Variants in RABEPK observed in about 807,000 individuals in gnomAD.
RABEPK encodes the protein Rab9 effector protein with kelch motifs.
Under a neutral mutation model 34.1 loss-of-function variants are expected in RABEPK, and 27 were observed. The observed-to-expected ratio is 0.79, with a 90% confidence interval of 0.58 to 1.09. RABEPK has a LOEUF of 1.09. RABEPK is among the 50% of genes least tolerant of loss of function. The probability of loss-of-function intolerance (pLI) is 0.00; values close to 1 mark genes in which losing one functional copy is unlikely to be tolerated. For synonymous variants in RABEPK, 172 were observed against 169.2 expected (o/e 1.02, Z -0.13); for missense variants, 449 against 462.6 (o/e 0.97, Z 0.27).
intron 7 of RABEPK, among the ~76,000 whole-genome samples, chr9:125,233,127 T>A (rs893198993): frequency 6.6e-6 from 1 of 151,524 alleles, no homozygotes; most frequent in African/African-American, 2.4e-5. Context: ...TGCTTCCAAT[T>A]TGGTTCCTCT....
chr9:125,232,518 G>A (rs1054738457), intron 6 of RABEPK, 78 bp from the exon 7 acceptor site: 158 of 1,444,194 alleles, frequency 1.1e-4, no homozygotes, highest in Non-Finnish European at 1.4e-4. Context: ...TGATTGGTGT[G>A]CAAACTACAG....
rs1832394682 is a variant in RABEPK at position 125,233,808 on chromosome 9, C to G, written c.947C>G (p.Ser316Cys). ...GCTTCTGAGAAAGAAGATTCCAACT[C>G]TCTCACTCTGAACCATGAAGCTGAG... ...TCASEKEDSN[S>C]LTLNHEAEKE... The change falls in exon 8 of 8, where the codon TCT becomes TGT. Residue 316 changes from serine to cysteine, a missense_variant. Coordinates refer to ENST00000373538, the MANE Select transcript of RABEPK (RefSeq NM_005833.4). 1 of 1,614,022 alleles carries G rather than the reference C, an allele frequency of 6.2e-7. No homozygotes were observed.
chr9:125,225,648 C>A (rs1410439316), intron 5 of RABEPK, among the ~76,000 whole-genome samples: 1 of 151,860 alleles, frequency 6.6e-6, no homozygotes, highest in East Asian at 1.9e-4. Context: ...CATGGTGAAA[C>A]CCCGTCTCTA....
In RABEPK at chr9:125,233,858, A is replaced by G; in HGVS notation, c.997A>G (p.Met333Val). ...GAAAGAGGATTCAGCTGACAAAGTA[A>G]TGAGCCACAGTGGTGACTCACATGA... ...AEKEDSADKV[M>V]SHSGDSHEES... is the part of the protein sequence containing the mutation. Residue 333 changes from methionine (M) to valine (V), a missense_variant, in exon 8 of 8, where the codon ATG becomes GTG. Coordinates refer to ENST00000373538, the MANE Select transcript of RABEPK (RefSeq NM_005833.4). 1 of 1,614,164 alleles carries G rather than the reference A, an allele frequency of 6.2e-7. No homozygotes were observed. Among genetic ancestry groups the G allele is most frequent in the Non-Finnish European group, 8.5e-7 (1 of 1,180,020 alleles).
At position 125,232,599 on chromosome 9, in the gene RABEPK, A is replaced by G. The variant is rs765233259; in HGVS notation, c.680A>G (p.Asp227Gly). ...AGCTCTTTCTTTCTCTTGGCAGGTG[A>G]CATGAAATGGCAGAAGCTAAATCCC... ...YDDLHCIDISDMKWQKLNPTG... is the reference protein window; with the variant it reads ...YDDLHCIDISGMKWQKLNPTG... The change falls in exon 7 of 8, where the codon GAC becomes GGC. Residue 227 changes from aspartate to glycine, a missense_variant. Asp to Gly is a moderately conservative substitution (Grantham distance 94). Transcript: ENST00000373538. The G allele has an allele frequency of 1.2e-6, 2 of 1,611,310 alleles. No individual in the cohort carries two copies. The highest frequency in any genetic ancestry group is 1.7e-6 in the Non-Finnish European group (2 of 1,178,720).
Position 125,219,610 on chromosome 9 carries a change from C to T in RABEPK, c.365-929C>T, listed in dbSNP as rs541070928. The stretch of plus-strand genomic sequence containing the variant: ...TAGAGATGGGATTTCACCATGTTGG[C>T]CAGGCTGGTCTAGAACTCCTACCCT... On this transcript the variant is annotated intron_variant, in intron 4 of 7. Transcript: ENST00000373538. 3.0e-4 allele frequency among the ~76,000 whole-genome samples: 45 copies of T among 151,980 alleles called. 1 individual carries two copies. In the South Asian group the frequency reaches 4.6e-3, roughly 15 times the overall value.
intron 2 of RABEPK, 130 bp downstream of exon 2, chr9:125,203,196 C>A: frequency 1.4e-6 from 1 of 693,732 alleles, no homozygotes; most frequent in South Asian, 1.6e-5. Context: ...GGTAATTAGA[C>A]TCAAACTGTC....
intron 2 of RABEPK, among the ~76,000 whole-genome samples, 162 bp downstream of exon 2, chr9:125,203,228 G>A (rs1210334570): frequency 6.6e-6 from 1 of 152,194 alleles, no homozygotes; most frequent in Admixed American, 6.6e-5. Flanking sequence ...TCAGAGGAAA[G>A]ATAGGGGGGC....
chr9:125,206,827 C>T (rs11794837), intron 2 of RABEPK, among the ~76,000 whole-genome samples: 15,345 of 152,176 alleles, frequency 0.1, 1,042 homozygotes, highest in Non-Finnish European at 0.14. Context: ...CGGTGGCTCA[C>T]GCCTGTAATC....
rs962975283 is a variant in RABEPK at position 125,218,721 on chromosome 9, CTCTCTCTCTCTT to C, written c.365-1802_365-1791del. 1.3e-3 allele frequency among the ~76,000 whole-genome samples: 199 copies of C among 152,154 alleles called. 1 individual carries two copies. Among genetic ancestry groups the C allele is most frequent in the African/African-American group, 4.6e-3 (191 of 41,542 alleles). The stretch of plus-strand genomic sequence containing the variant: ...TAGGCATGTCACTTTATCTGTCTCT[CTCTCTCTCTCTT>C]TCTCTCTCTCTTTCTTTGCCTTATT... On this transcript the variant is annotated intron_variant, in intron 4 of 7. Transcript: ENST00000373538.
chr9:125,203,806 G>A (rs1357427795), intron 2 of RABEPK, among the ~76,000 whole-genome samples: 1 of 151,964 alleles, frequency 6.6e-6, no homozygotes, highest in Non-Finnish European at 1.5e-5. Flanking sequence ...GCCAAGGCGG[G>A]TGGATCTCCT....
rs768520062 is a variant in RABEPK at position 125,233,737 on chromosome 9, A to G, written c.876A>G (p.Gly292=). The change falls in exon 8 of 8, where the codon GGA becomes GGG. Residue 292 remains glycine, a synonymous_variant. Transcript: ENST00000373538. ...AATTTGATACTCTTCTACCCCCTGGACGATTGGACCATTCCATGTGTATCA... is the reference window on the plus strand; with the variant it reads ...AATTTGATACTCTTCTACCCCCTGGGCGATTGGACCATTCCATGTGTATCA... ...LLKFDTLLPP[G]RLDHSMCIIP... The G allele has an allele frequency of 4.3e-6, 7 of 1,614,098 alleles. No homozygotes were observed. Among genetic ancestry groups the G allele is most frequent in the Non-Finnish European group, 4.2e-6 (5 of 1,179,980 alleles).
At chr9:125,220,152 C>G (rs1318026231) in intron 4 of RABEPK, among the ~76,000 whole-genome samples, 1 of 152,088 alleles carries the variant, frequency 6.6e-6, no homozygotes, top group Non-Finnish European at 1.5e-5. Context: ...GTCCCCACCA[C>G]CATACCCGGC....
At chr9:125,222,245 A>C (rs1360456194) in intron 5 of RABEPK, 1 of 152,006 alleles carries the variant, frequency 6.6e-6, no homozygotes, top group Admixed American at 6.6e-5. Context: ...CTTTTAAAGC[A>C]GTTTTAAAAG....
At chr9:125,216,696 C>T (rs566429148) in intron 4 of RABEPK, among the ~76,000 whole-genome samples, 124 of 152,222 alleles carry the variant, frequency 8.1e-4, no homozygotes, top group Non-Finnish European at 1.3e-3. Flanking sequence ...GGCATGGTGG[C>T]TCATGCCTAT....
chr9:125,219,830 C>T (rs1312060056), intron 4 of RABEPK, among the ~76,000 whole-genome samples: 2 of 152,044 alleles, frequency 1.3e-5, no homozygotes, highest in African/African-American at 2.4e-5. Context: ...CTGCACATGG[C>T]CTGCCTACTT....
At chr9:125,204,657 C>T (rs947657471) in intron 2 of RABEPK, among the ~76,000 whole-genome samples, 13 of 152,160 alleles carry the variant, frequency 8.5e-5, no homozygotes, top group African/African-American at 3.1e-4. Flanking sequence ...CCTGTATTTC[C>T]AACCTCAAAT....
chr9:125,220,650 A>C lies in RABEPK; in HGVS notation c.476A>C (p.Glu159Ala). 3.7e-6 allele frequency: 6 copies of C among 1,614,172 alleles called. No individual in the cohort carries two copies. The highest frequency in any genetic ancestry group is 5.1e-6 in the Non-Finnish European group (6 of 1,180,022). The change falls in exon 5 of 8, where the codon GAG becomes GCG. Residue 159 changes from glutamate to alanine, a missense_variant. By Grantham distance (107) the Glu-to-Ala change is moderately radical. Coordinates refer to ENST00000373538, the MANE Select transcript of RABEPK (RefSeq NM_005833.4). ...GNQLYVFGGG[E>A]RGAQPVQDTK... is the part of the protein sequence containing the mutation. ...CAGCTATATGTCTTTGGGGGCGGAG[A>C]GAGAGGTGCCCAGCCCGTGCAGGAC...
At position 125,233,656 on chromosome 9, in the gene RABEPK, T is replaced by A; in HGVS notation, c.827-32T>A. The A allele has an allele frequency of 1.9e-6, 3 of 1,593,918 alleles. No individual in the cohort carries two copies. The South Asian group carries it at 3.4e-5, about 18-fold the overall frequency. ...CGTGCCCGGCCTATCTGGAAATTTC[T>A]TAACATGAAGCCTTTTCCCTCCCCA... On this transcript the variant is annotated intron_variant, in intron 7 of 7. Transcript: ENST00000373538.
Sources: allele counts gnomAD v4.1 joint callset (sites outside exome capture counted in the v4.1 genomes callset), GRCh38; gene constraint gnomAD v4.1.1; transcripts MANE v1.5; gene names NCBI Gene and HGNC (gene_info 2026-07-23, HGNC 2026-07-21).